The following MSRA variants were observed in gnomAD, a reference collection of about 807,000 sequenced individuals.
The protein encoded by MSRA is methionine sulfoxide reductase A, also known as mitochondrial peptide methionine sulfoxide reductase.
MSRA carries 54 observed loss-of-function variants against 31.3 expected under a neutral mutation model. The observed-to-expected ratio is 1.73, with a 90% CI of 1.39 to 2.17. MSRA has a LOEUF of 2.17. Among genes scored for constraint, MSRA ranks in the 30% most tolerant of loss-of-function variants. MSRA has a pLI of 0.00. For synonymous variants in MSRA, 169 were observed against 116.5 expected (o/e 1.45, Z -2.90); for missense variants, 507 against 300.9 (o/e 1.69, Z -5.07).
At chr8:10,343,026 C>T (rs1803531444) in intron 5 of MSRA, among the ~76,000 whole-genome samples, 1 of 85,436 alleles carries the variant, frequency 1.2e-5, no homozygotes, top group South Asian at 4.5e-4. Context: ...GCATTACACA[C>T]ACACACACAC....
chr8:10,363,738 C>CCAAACACACACACACACACACACA (rs1804991772), intron 5 of MSRA, among the ~76,000 whole-genome samples: 1 of 103,288 alleles, frequency 9.7e-6, no homozygotes, highest in African/African-American at 3.3e-5. Flanking sequence ...GATGCAGTCA[C>CCAAACACACACACACACACACACA]CACACACACA....
intron 3 of MSRA, among the ~76,000 whole-genome samples, chr8:10,245,469 C>G (rs1797574993): frequency 6.6e-6 from 1 of 152,192 alleles, no homozygotes; most frequent in African/African-American, 2.4e-5. Context: ...TGGCTTAAAA[C>G]AGTCATTTTA....
chr8:10,084,988 G>A (rs937205916), intron 1 of MSRA, among the ~76,000 whole-genome samples: 1 of 152,056 alleles, frequency 6.6e-6, no homozygotes, highest in African/African-American at 2.4e-5. Flanking sequence ...AAAAATCTAG[G>A]TTAAAAAGAA....
intron 2 of MSRA, among the ~76,000 whole-genome samples, chr8:10,228,699 G>T (rs1811208260): frequency 6.6e-6 from 1 of 152,100 alleles, no homozygotes; most frequent in African/African-American, 2.4e-5. Context: ...AGTCTGCCTT[G>T]GTTCTATCTA....
intron 4 of MSRA, among the ~76,000 whole-genome samples, chr8:10,303,169 G>C (rs1405796127): frequency 6.6e-6 from 1 of 152,254 alleles, no homozygotes; most frequent in Non-Finnish European, 1.5e-5. Context: ...AAGGCATGTA[G>C]GTGACAGGTC....
chr8:10,404,692 C>G (rs1271828078), intron 5 of MSRA, among the ~76,000 whole-genome samples: 3 of 152,232 alleles, frequency 2.0e-5, no homozygotes, highest in African/African-American at 7.2e-5. Context: ...CAAACACAGC[C>G]CGGCCCTCCG....
intron 5 of MSRA, among the ~76,000 whole-genome samples, chr8:10,394,692 A>T (rs924816117): frequency 6.6e-6 from 1 of 152,208 alleles, no homozygotes; most frequent in Admixed American, 6.5e-5. Flanking sequence ...TGCTCAGGAA[A>T]CAGGTCCTGC....
intron 1 of MSRA, among the ~76,000 whole-genome samples, chr8:10,178,585 G>A (rs537475499): frequency 2.0e-5 from 3 of 152,280 alleles, no homozygotes; most frequent in Middle Eastern, 3.4e-3. Flanking sequence ...ATATTTTTGT[G>A]TAAGAAAAAT....
intron 5 of MSRA, among the ~76,000 whole-genome samples, chr8:10,347,325 G>A (rs1161481484): frequency 3.3e-5 from 5 of 152,188 alleles, no homozygotes; most frequent in Admixed American, 2.0e-4. Flanking sequence ...CCTGCCTTAC[G>A]GATATCTGCA....
intron 5 of MSRA, among the ~76,000 whole-genome samples, chr8:10,341,827 A>T (rs772477889): frequency 3.9e-5 from 6 of 152,216 alleles, no homozygotes; most frequent in Non-Finnish European, 7.3e-5. Flanking sequence ...GAATGGGCAG[A>T]TGATTTGCCC....
chr8:10,076,219 C>G (rs1165435701), intron 1 of MSRA, among the ~76,000 whole-genome samples: 1 of 152,218 alleles, frequency 6.6e-6, no homozygotes, highest in Non-Finnish European at 1.5e-5. Flanking sequence ...GCCAGTTGCA[C>G]AGAATGTTTG....
At chr8:10,308,463 G>GT (rs1801259476) in intron 4 of MSRA, among the ~76,000 whole-genome samples, 1 of 152,144 alleles carries the variant, frequency 6.6e-6, no homozygotes, top group African/African-American at 2.4e-5. Flanking sequence ...TCTACTAACT[G>GT]GCCTGTCTCA....
chr8:10,263,069 C>T (rs529955470), intron 3 of MSRA, among the ~76,000 whole-genome samples: 45 of 152,338 alleles, frequency 3.0e-4, no homozygotes, highest in African/African-American at 1.0e-3. Flanking sequence ...TGGCCTTTGC[C>T]AGTGACAGTT....
chr8:10,096,741 G>T (rs1054766683), intron 1 of MSRA, among the ~76,000 whole-genome samples: 4 of 152,198 alleles, frequency 2.6e-5, no homozygotes, highest in Admixed American at 2.6e-4. Context: ...TATTAGGCCT[G>T]ATTATGATTG....
intron 3 of MSRA, among the ~76,000 whole-genome samples, chr8:10,299,475 T>C (rs1800726351): frequency 1.3e-5 from 2 of 152,172 alleles, no homozygotes; most frequent in African/African-American, 2.4e-5. Context: ...TCTTTTCATA[T>C]CTTTTAGCAT....
At chr8:10,312,426 A>G (rs1035029831) in intron 4 of MSRA, among the ~76,000 whole-genome samples, 2 of 152,260 alleles carry the variant, frequency 1.3e-5, no homozygotes, top group African/African-American at 2.4e-5. Context: ...CTTTAAAAAT[A>G]TAGTTTAATA....
intron 5 of MSRA, among the ~76,000 whole-genome samples, chr8:10,370,179 T>A (rs544483636): frequency 5.8e-4 from 89 of 152,354 alleles, no homozygotes; most frequent in African/African-American, 2.0e-3. Context: ...CATTAGTTCC[T>A]TTGTTTTATG....
chr8:10,117,500 G>A (rs1800771923), intron 1 of MSRA, among the ~76,000 whole-genome samples: 1 of 152,186 alleles, frequency 6.6e-6, no homozygotes, highest in Non-Finnish European at 1.5e-5. Flanking sequence ...TGGGAGCAGA[G>A]AAAAATAGTT....
intron 5 of MSRA, among the ~76,000 whole-genome samples, chr8:10,331,139 T>G (rs1226547827): frequency 1.3e-5 from 2 of 152,216 alleles, no homozygotes; most frequent in African/African-American, 4.8e-5. Flanking sequence ...GCCAGAACCT[T>G]GATCTTGGAC....
Sources: allele counts gnomAD v4.1 joint callset (sites outside exome capture counted in the v4.1 genomes callset), GRCh38; gene constraint gnomAD v4.1.1; transcripts MANE v1.5; gene names NCBI Gene and HGNC (gene_info 2026-07-23, HGNC 2026-07-21).